AXDND1: variants seen among roughly 807,000 people sequenced by gnomAD.
AXDND1 encodes the protein axonemal dynein light chain domain-containing protein 1.
AXDND1 carries 110 observed loss-of-function variants against 137.5 expected under a neutral mutation model. The observed-to-expected ratio is 0.80, with a 90% CI of 0.69 to 0.94. AXDND1 has a LOEUF of 0.94. Ranked by LOEUF, AXDND1 falls within the 40% of genes least tolerant of loss-of-function variation. The pLI is 0.00. For missense variants in AXDND1, 1,191 were observed against 1,169.8 expected (o/e 1.02, Z -0.26); for synonymous variants, 414 against 399.7 (o/e 1.04, Z -0.43).
intron 6 of AXDND1, among the ~76,000 whole-genome samples, chr1:179,382,398 A>G (rs1394673628): frequency 2.0e-5 from 3 of 152,156 alleles, no homozygotes; most frequent in African/African-American, 7.2e-5. Flanking sequence ...TTGATGCTCA[A>G]ATTTTTCCAG....
chr1:179,541,955 A>T (rs1672210507), intron 25 of AXDND1, among the ~76,000 whole-genome samples: 2 of 152,218 alleles, frequency 1.3e-5, no homozygotes, highest in Admixed American at 6.5e-5. Flanking sequence ...TTAACTATCA[A>T]ATGCAAGAAA....
At chr1:179,474,743 G>A (rs377322558) in intron 17 of AXDND1, among the ~76,000 whole-genome samples, 70 of 152,254 alleles carry the variant, frequency 4.6e-4, no homozygotes, top group South Asian at 2.1e-3. Context: ...AGAAAAACCC[G>A]TTTTCTGGGG....
At chr1:179,417,898 G>T (rs1188431925) in intron 12 of AXDND1, among the ~76,000 whole-genome samples, 1 of 150,790 alleles carries the variant, frequency 6.6e-6, no homozygotes, top group Non-Finnish European at 1.5e-5. Context: ...GTTTTATAGT[G>T]TTCCTTGTAT....
chr1:179,536,298 C>T (rs1671553502), intron 25 of AXDND1, among the ~76,000 whole-genome samples: 1 of 152,146 alleles, frequency 6.6e-6, no homozygotes, highest in South Asian at 2.1e-4. Flanking sequence ...TGCCTATGTC[C>T]TGAGTGGTAT....
intron 9 of AXDND1, among the ~76,000 whole-genome samples, 169 bp from the exon 10 acceptor site, chr1:179,393,734 C>CT (rs569532352): frequency 0.02 from 2,916 of 148,620 alleles, 75 homozygotes; most frequent in African/African-American, 0.064. Flanking sequence ...TTTTCTTTTT[C>CT]TTTTTTTTTG....
chr1:179,470,504 C>G (rs1461456172), intron 17 of AXDND1, among the ~76,000 whole-genome samples: 1 of 152,054 alleles, frequency 6.6e-6, no homozygotes, highest in East Asian at 1.9e-4. Context: ...AAGCTGTACA[C>G]TTCTTTTGTT....
chr1:179,541,183 G>T (rs1350520747), intron 25 of AXDND1, among the ~76,000 whole-genome samples: 1 of 152,176 alleles, frequency 6.6e-6, no homozygotes, highest in Admixed American at 6.5e-5. Context: ...AAGACCACGG[G>T]AAAAGCATAG....
intron 11 of AXDND1, among the ~76,000 whole-genome samples, chr1:179,408,659 G>A (rs1185687096): frequency 6.6e-6 from 1 of 152,126 alleles, no homozygotes; most frequent in Non-Finnish European, 1.5e-5. Context: ...TTACAGGCAT[G>A]AGCCACCAAA....
chr1:179,474,595 C>G (rs924148741), intron 17 of AXDND1, among the ~76,000 whole-genome samples: 1 of 152,142 alleles, frequency 6.6e-6, no homozygotes, highest in Non-Finnish European at 1.5e-5. Context: ...TGACTCTGCC[C>G]TAGAAATCTG....
chr1:179,554,294 C>A (rs1487644183), intron 25 of AXDND1, among the ~76,000 whole-genome samples: 2 of 151,976 alleles, frequency 1.3e-5, no homozygotes, highest in African/African-American at 4.8e-5. Context: ...GTAATTTGTC[C>A]AAATGTTATA....
At chr1:179,428,399 A>C (rs560641192) in intron 12 of AXDND1, among the ~76,000 whole-genome samples, 3 of 152,346 alleles carry the variant, frequency 2.0e-5, no homozygotes, top group African/African-American at 7.2e-5. Context: ...TAGAATGTCA[A>C]TTCCTTGAAA....
intron 4 of AXDND1, 51 bp from the exon 5 acceptor site, chr1:179,378,586 G>T: frequency 7.2e-7 from 1 of 1,392,324 alleles, no homozygotes; most frequent in East Asian, 2.7e-5. Flanking sequence ...GCTGTTATGT[G>T]GTATCCAGAT....
At chr1:179,485,575 T>G (rs1336737247) in intron 18 of AXDND1, among the ~76,000 whole-genome samples, 19 of 152,092 alleles carry the variant, frequency 1.2e-4, no homozygotes, top group Admixed American at 1.2e-3. Flanking sequence ...TGAAGGAACA[T>G]CAGCTCACAA....
chr1:179,533,104 G>A (rs1052874268), intron 23 of AXDND1: 15 of 151,862 alleles, frequency 9.9e-5, no homozygotes, highest in African/African-American at 3.6e-4. Context: ...CCGTCTATAA[G>A]GTAGACTTTA....
rs141701977 is a variant in AXDND1, at chr1:179,423,242, A to G, written c.1231-6276A>G. ...TGATTTGTAACCCATTTTATCTGAT[A>G]TAAATATAGCTACTCCTGCTCTCTT... On this transcript the variant is annotated intron_variant, in intron 12 of 25. Transcript: ENST00000367618. 4.0e-5 allele frequency among the ~76,000 whole-genome samples: 6 copies of G among 151,716 alleles called. No individual in the cohort carries two copies. In the East Asian group the frequency reaches 1.2e-3, roughly 29 times the overall value.
At chr1:179,499,851 G>A (rs1431572620) in intron 20 of AXDND1, among the ~76,000 whole-genome samples, 7 of 151,844 alleles carry the variant, frequency 4.6e-5, no homozygotes, top group Non-Finnish European at 2.9e-5. Context: ...TAGATGAAAT[G>A]GACAAATAAA....
chr1:179,445,665 A>G (rs1437590477), intron 16 of AXDND1, among the ~76,000 whole-genome samples: 1 of 152,182 alleles, frequency 6.6e-6, no homozygotes, highest in Non-Finnish European at 1.5e-5. Flanking sequence ...ATGTTCATCC[A>G]TGTTTTAGCA....
intron 17 of AXDND1, among the ~76,000 whole-genome samples, chr1:179,481,122 G>A (rs1411917369): frequency 6.6e-6 from 1 of 151,840 alleles, no homozygotes; most frequent in Admixed American, 6.6e-5. Flanking sequence ...TCCTAATGCT[G>A]TCCCTCCCCA....
rs769939054 is a variant in AXDND1, at chr1:179,368,856, A to G, written c.154A>G (p.Thr52Ala). The G allele has an allele frequency of 6.2e-7, 1 of 1,613,860 alleles. No homozygotes were observed. Residue 52 changes from threonine to alanine, a missense_variant, in exon 3 of 26, where the codon ACT becomes GCT. Transcript: ENST00000367618. ...GGTGGATCGTTCAAAACTCCTTCCT[A>G]CTTCCCTTCAGAATGAGTTCATTCC... is the stretch of plus-strand genomic sequence containing the variant. The part of the protein sequence containing the change: ...NMVDRSKLLP[T>A]SLQNEFIPKE...
Sources: gnomAD v4.1 joint callset for allele counts (sites outside exome capture counted in the v4.1 genomes callset) on GRCh38, gnomAD v4.1.1 for gene constraint, MANE v1.5 for transcripts, NCBI Gene and HGNC (gene_info 2026-07-23, HGNC 2026-07-21) for gene names.